The following PCYOX1L variants were observed in gnomAD, a reference collection of about 807,000 sequenced individuals.
PCYOX1L encodes the protein prenylcysteine oxidase 1 like, also known as prenylcysteine oxidase 1-like.
A neutral mutation model predicts 44.1 loss-of-function variants in PCYOX1L; 40 were observed. The observed-to-expected ratio is 0.91, with a 90% CI of 0.70 to 1.18. The LOEUF (loss-of-function observed/expected upper bound fraction) is 1.18, where lower values mean the gene tolerates loss of function less well. Among genes scored for constraint, PCYOX1L ranks in the 50% most tolerant of loss-of-function variants. The pLI is 0.00. For missense variants in PCYOX1L, 605 were observed against 653.3 expected (o/e 0.93, Z 0.81); for synonymous variants, 266 against 282.8 (o/e 0.94, Z 0.60).
chr5:149,360,082 CTCTGGGGCAGAAT>C (rs555955429), intron 1 of PCYOX1L, among the ~76,000 whole-genome samples: 21 of 152,364 alleles, frequency 1.4e-4, no homozygotes, highest in African/African-American at 4.8e-4. Context: ...TCCCCACACC[CTCTGGGGCAGAAT>C]TCACTGCTTC....
intron 3 of PCYOX1L, 106 bp from the exon 4 acceptor site, chr5:149,365,836 G>A: frequency 1.0e-6 from 1 of 984,918 alleles, no homozygotes; most frequent in Non-Finnish European, 1.6e-6. Context: ...TCCATGTAGA[G>A]GAAGTGATGG....
chr5:149,367,045 C>A (rs1031389484), intron 4 of PCYOX1L, among the ~76,000 whole-genome samples: 3 of 152,158 alleles, frequency 2.0e-5, no homozygotes, highest in African/African-American at 7.2e-5. Context: ...TCCCCAACAC[C>A]CCCCGGCCTC....
At chr5:149,360,598 AGT>A (rs1332424219) in intron 1 of PCYOX1L, among the ~76,000 whole-genome samples, 2 of 152,184 alleles carry the variant, frequency 1.3e-5, no homozygotes, top group Non-Finnish European at 2.9e-5. Flanking sequence ...GGCTAAGCAG[AGT>A]GTGCTGTGGG....
At position 149,362,623 on chromosome 5, in the gene PCYOX1L, G is replaced by C. The variant is rs761796782; in HGVS notation, c.89-14G>C. 2.5e-6 allele frequency: 4 copies of C among 1,613,556 alleles called. No individual in the cohort carries two copies. Among genetic ancestry groups the C allele is most frequent in the Non-Finnish European group, 2.5e-6 (3 of 1,179,990 alleles). On this transcript the variant is annotated splice_polypyrimidine_tract_variant and intron_variant, in intron 1 of 5. Coordinates refer to ENST00000274569, the MANE Select transcript of PCYOX1L (RefSeq NM_024028.4). ...CTGTCTCTCTTCTTCCCTACCTCCC[G>C]GGCCTGCTGACAGCGGTGGTTGGGG...
At chr5:149,363,935 A>T (rs533370638) in intron 2 of PCYOX1L, 101 bp from the exon 3 acceptor site, 1 of 1,363,690 alleles carries the variant, frequency 7.3e-7, no homozygotes, top group African/African-American at 1.4e-5. Flanking sequence ...ACAAATGAAC[A>T]AACCATAGCA....
chr5:149,366,110 GC>G lies in PCYOX1L; in HGVS notation c.640del (p.Arg214GlyfsTer19). 2 of 1,613,818 alleles carry G rather than the reference GC, an allele frequency of 1.2e-6. No individual in the cohort carries two copies. Among genetic ancestry groups the G allele is most frequent in the Non-Finnish European group, 1.7e-6 (2 of 1,180,028 alleles). On this transcript the variant is annotated frameshift_variant, in exon 4 of 6. Coordinates refer to ENST00000274569, the MANE Select transcript of PCYOX1L (RefSeq NM_024028.4). LOFTEE classifies it high-confidence loss of function. ...TTGATGATGTCGTTTCTGCTGTCCTGCGGGCCAGCTATGGCCAGTCAGCAGC... is the reference window on the plus strand; with the variant it reads ...TTGATGATGTCGTTTCTGCTGTCCTGGGGCCAGCTATGGCCAGTCAGCAGC... ...FIDDVVSAVL[R>X]ASYGQSAAMP...
intron 1 of PCYOX1L, 35 bp downstream of exon 1, chr5:149,358,191 GA>G: frequency 7.1e-7 from 1 of 1,412,854 alleles, no homozygotes; most frequent in Non-Finnish European, 9.2e-7. Context: ...CCCAGCTGGG[GA>G]GGGCCGGCGG....
intron 3 of PCYOX1L, 148 bp downstream of exon 3, chr5:149,364,358 T>A: frequency 1.1e-6 from 1 of 932,644 alleles, no homozygotes; most frequent in Non-Finnish European, 1.6e-6. Context: ...AGCAAGCCCC[T>A]GGCATGAGGA....
Position 149,368,399 on chromosome 5 carries a change from G to A in PCYOX1L, c.1230G>A (p.Leu410=), listed in dbSNP as rs187824865. Residue 410 remains leucine (L), a synonymous_variant, in exon 6 of 6, where the codon CTG becomes CTA. Transcript: ENST00000274569. ...TCTTTCGGACCCAGCTAAAGACCCT[G>A]TTCCGTTCCTATTACTCAGTGCAGA... ...KPLFRTQLKT[L]FRSYYSVQTA... The A allele has an allele frequency of 5.6e-6, 9 of 1,614,172 alleles. No individual in the cohort carries two copies. The East Asian group carries it at 1.3e-4, about 24-fold the overall frequency.
At chr5:149,360,575 T>C (rs982605195) in intron 1 of PCYOX1L, among the ~76,000 whole-genome samples, 2 of 152,158 alleles carry the variant, frequency 1.3e-5, no homozygotes, top group African/African-American at 4.8e-5. Flanking sequence ...CTTAAATAAC[T>C]TGACTACAGT....
At chr5:149,364,742 A>G (rs1758142599) in intron 3 of PCYOX1L, 1 of 153,944 alleles carries the variant, frequency 6.5e-6, no homozygotes, top group African/African-American at 2.4e-5. Flanking sequence ...TGCAGGGCAG[A>G]TGCAGCCTGT....
chr5:149,364,353 G>C (rs1178989346), intron 3 of PCYOX1L, 143 bp downstream of exon 3: 1 of 986,780 alleles, frequency 1.0e-6, no homozygotes, highest in African/African-American at 1.6e-5. Context: ...CTCAGAGCAA[G>C]CCCCTGGCAT....
chr5:149,364,381 G>T, intron 3 of PCYOX1L, 171 bp downstream of exon 3: 1 of 715,582 alleles, frequency 1.4e-6, no homozygotes, highest in East Asian at 2.7e-5. Context: ...GGCCGTATTT[G>T]GTCCAGTAAT....
In PCYOX1L at chr5:149,358,130, G is replaced by C. The variant is rs1757903646; in HGVS notation, c.62G>C (p.Gly21Ala). 6.9e-7 allele frequency: 1 copy of C among 1,458,270 alleles called. No homozygotes were observed. The allele number at this position is 1,458,270 out of a possible 1,614,324, so 90.3% of individuals were successfully genotyped here. ...LTALLAAAAA[G>A]GDAPPGKIAV... is the part of the protein sequence containing the mutation. ...GCGCTCCTCGCCGCCGCCGCTGCTG[G>C]CGGAGATGCCCCGCCGGGCAAAATC... Residue 21 changes from glycine (G) to alanine (A), a missense_variant, in exon 1 of 6, where the codon GGC becomes GCC. Gly to Ala is a moderately conservative substitution (Grantham distance 60). Coordinates refer to ENST00000274569, the MANE Select transcript of PCYOX1L (RefSeq NM_024028.4).
In PCYOX1L at chr5:149,368,311, C is replaced by T. The variant is rs377043686; in HGVS notation, c.1142C>T (p.Ala381Val). 4 of 1,614,232 alleles carry T rather than the reference C, an allele frequency of 2.5e-6. No individual in the cohort carries two copies. Among genetic ancestry groups the T allele is most frequent in the African/African-American group, 2.7e-5 (2 of 75,066 alleles). ...AACATCTGCCCTGTCAACATCTCTG[C>T]CAGCTTCCGGCGAAAGCAGCCCCAG... ...LDNICPVNIS[A>V]SFRRKQPQEA... Residue 381 changes from alanine to valine, a missense_variant, in exon 6 of 6, where the codon GCC becomes GTC. Transcript: ENST00000274569.
chr5:149,368,287 A>G lies in PCYOX1L; in HGVS notation c.1118A>G (p.Asn373Ser), dbSNP rs775699998. The change falls in exon 6 of 6, where the codon AAC becomes AGC. Residue 373 changes from asparagine to serine, a missense_variant. Asn to Ser is a conservative substitution (Grantham distance 46). Transcript: ENST00000274569. ...DFPSFFCTLD[N>S]ICPVNISASF... Reference sequence around the variant, plus strand: ...CCCAGCTTCTTCTGCACTCTGGACAACATCTGCCCTGTCAACATCTCTGCC... The same window carrying G: ...CCCAGCTTCTTCTGCACTCTGGACAGCATCTGCCCTGTCAACATCTCTGCC... 1.2e-5 allele frequency: 19 copies of G among 1,614,022 alleles called. No individual in the cohort carries two copies. The highest frequency in any genetic ancestry group is 1.5e-5 in the Non-Finnish European group (18 of 1,180,024).
At chr5:149,364,357 C>T in intron 3 of PCYOX1L, 147 bp downstream of exon 3, 1 of 946,562 alleles carries the variant, frequency 1.1e-6, no homozygotes. Context: ...GAGCAAGCCC[C>T]TGGCATGAGG....
intron 2 of PCYOX1L, 198 bp from the exon 3 acceptor site, chr5:149,363,838 T>C (rs910224355): frequency 1.7e-6 from 1 of 593,948 alleles, no homozygotes; most frequent in Admixed American, 3.2e-5. Flanking sequence ...TGTAAAATGT[T>C]ACATTATTTT....
At chr5:149,362,302 AAGTT>A in intron 1 of PCYOX1L, 1 of 317,720 alleles carries the variant, frequency 3.1e-6, no homozygotes. Context: ...GGAAATAAGA[AAGTT>A]AGAAGCAAGG....
Sources: allele counts gnomAD v4.1 joint callset (sites outside exome capture counted in the v4.1 genomes callset), GRCh38; gene constraint gnomAD v4.1.1; transcripts MANE v1.5; gene names NCBI Gene and HGNC (gene_info 2026-07-23, HGNC 2026-07-21).